The following SLC16A7 variants were observed in gnomAD, a reference collection of about 807,000 sequenced individuals.
The protein encoded by SLC16A7 is monocarboxylate transporter 2.
In SLC16A7, 33 loss-of-function variants were observed where a neutral mutation model predicts 34.9. The ratio of observed to expected loss-of-function variants is 0.94; its 90% CI spans 0.72 to 1.26. The LOEUF is 1.26. Among genes scored for constraint, SLC16A7 ranks in the 50% most tolerant of loss-of-function variants. SLC16A7 has a pLI of 0.00. For missense variants in SLC16A7, 573 were observed against 578.1 expected (o/e 0.99, Z 0.09); for synonymous variants, 201 against 206.6 (o/e 0.97, Z 0.23).
intron 2 of SLC16A7, among the ~76,000 whole-genome samples, chr12:59,675,920 T>A (rs1240853261): frequency 6.6e-6 from 1 of 152,042 alleles, no homozygotes; most frequent in Non-Finnish European, 1.5e-5. Flanking sequence ...TCCCCAGATA[T>A]ATATATATAT....
intron 2 of SLC16A7, among the ~76,000 whole-genome samples, chr12:59,687,375 C>T (rs879731757): frequency 2.0e-5 from 3 of 152,088 alleles, no homozygotes; most frequent in Admixed American, 2.0e-4. Flanking sequence ...GCAGCAACAT[C>T]TCCAAACCTC....
At chr12:59,761,026 A>C in intron 3 of SLC16A7, 1 of 422,432 alleles carries the variant, frequency 2.4e-6, no homozygotes, top group South Asian at 2.0e-5. Context: ...TATTTTTTAA[A>C]CAACTAGTCT....
At chr12:59,709,803 T>C (rs1874014280) in intron 3 of SLC16A7, among the ~76,000 whole-genome samples, 1 of 151,654 alleles carries the variant, frequency 6.6e-6, no homozygotes, top group South Asian at 2.1e-4. Context: ...GAAACTATTA[T>C]GCTCACCGTG....
At chr12:59,694,311 C>A (rs1364923706) in intron 2 of SLC16A7, among the ~76,000 whole-genome samples, 2 of 151,890 alleles carry the variant, frequency 1.3e-5, no homozygotes, top group African/African-American at 2.4e-5. Flanking sequence ...GCTTTGTAGT[C>A]AGACACACAA....
intron 5 of SLC16A7, among the ~76,000 whole-genome samples, chr12:59,777,316 A>ACTT (rs1481869584): frequency 6.6e-6 from 1 of 152,024 alleles, no homozygotes; most frequent in Non-Finnish European, 1.5e-5. Context: ...ATATTTCTTG[A>ACTT]CTTTTAGATT....
At chr12:59,707,481 A>C (rs567819418) in intron 3 of SLC16A7, among the ~76,000 whole-genome samples, 3 of 152,168 alleles carry the variant, frequency 2.0e-5, no homozygotes, top group African/African-American at 7.2e-5. Context: ...ATTTACTACA[A>C]ATAAATGTTT....
intron 3 of SLC16A7, among the ~76,000 whole-genome samples, chr12:59,764,337 T>G (rs1438943227): frequency 1.3e-5 from 2 of 152,162 alleles, no homozygotes; most frequent in African/African-American, 4.8e-5. Context: ...TTTTTGTTTT[T>G]TATTATTATT....
intron 2 of SLC16A7, among the ~76,000 whole-genome samples, chr12:59,670,026 C>G (rs1278677548): frequency 1.3e-5 from 2 of 152,174 alleles, no homozygotes; most frequent in African/African-American, 4.8e-5. Flanking sequence ...TTTATTCTCT[C>G]TCCTTTGGAA....
chr12:59,769,727 A>G (rs1882041129), intron 3 of SLC16A7, among the ~76,000 whole-genome samples: 1 of 152,122 alleles, frequency 6.6e-6, no homozygotes, highest in African/African-American at 2.4e-5. Context: ...TGCATTGATA[A>G]GTGAATCTCA....
intron 3 of SLC16A7, among the ~76,000 whole-genome samples, chr12:59,732,214 C>T (rs557636503): frequency 6.6e-6 from 1 of 151,952 alleles, no homozygotes; most frequent in African/African-American, 2.4e-5. Flanking sequence ...GGTCAGAGTT[C>T]GAGACCAGCC....
intron 2 of SLC16A7, among the ~76,000 whole-genome samples, chr12:59,702,229 T>TC (rs1872971270): frequency 6.6e-6 from 1 of 152,002 alleles, no homozygotes; most frequent in African/African-American, 2.4e-5. Flanking sequence ...TTTATTTCCT[T>TC]TTCTTTTTTC....
In SLC16A7 at chr12:59,752,863, G is replaced by A. The variant is rs368471424; in HGVS notation, c.218-18356G>A. On this transcript the variant is annotated intron_variant, in intron 3 of 5. Transcript: ENST00000547379. ...TTAAGGGCAGCCAGAGAGAAAGATC[G>A]GGTTACCCACAAAGGGAAGCCCATC... 4.6e-5 allele frequency among the ~76,000 whole-genome samples: 7 copies of A among 152,252 alleles called. No homozygotes were observed. The South Asian group carries it at 6.2e-4, about 14-fold the overall frequency.
intron 3 of SLC16A7, among the ~76,000 whole-genome samples, chr12:59,735,485 T>G (rs1877482490): frequency 6.6e-6 from 1 of 152,222 alleles, no homozygotes; most frequent in South Asian, 2.1e-4. Flanking sequence ...AGTAAGCTGC[T>G]TTACATCAGT....
In SLC16A7 at chr12:59,704,906, A is replaced by C. The variant is rs142601127; in HGVS notation, c.105A>C (p.Ala35=). ...AAFISIGFSY[A]FPKAVTVFFK... is the part of the protein sequence containing the mutation. ...TTATCTCCATTGGATTTTCCTATGC[A>C]TTCCCCAAAGCTGTCACCGTATTCT... The change falls in exon 3 of 6, where the codon GCA becomes GCC. Residue 35 remains alanine, a synonymous_variant. Transcript: ENST00000547379. 6.2e-7 allele frequency: 1 copy of C among 1,613,516 alleles called. No individual in the cohort carries two copies. Among genetic ancestry groups the C allele is most frequent in the Admixed American group, 1.7e-5 (1 of 59,980 alleles).
chr12:59,613,466 T>C (rs752890130), intron 1 of SLC16A7, among the ~76,000 whole-genome samples: 6 of 152,224 alleles, frequency 3.9e-5, no homozygotes, highest in Non-Finnish European at 8.8e-5. Context: ...TAGGTTACAA[T>C]ATATTAGTTT....
intron 3 of SLC16A7, chr12:59,720,181 C>T (rs1396778894): frequency 8.7e-5 from 58 of 666,222 alleles, no homozygotes; most frequent in Non-Finnish European, 1.6e-5. Flanking sequence ...AAATTTGTTC[C>T]AGTTTGGAAT....
chr12:59,736,030 T>C, intron 3 of SLC16A7: 2 of 540,348 alleles, frequency 3.7e-6, no homozygotes, highest in Non-Finnish European at 5.9e-6. Context: ...ATGTATGGTT[T>C]TAATAAGAAC....
intron 3 of SLC16A7, among the ~76,000 whole-genome samples, chr12:59,755,488 G>A (rs1454063466): frequency 6.6e-6 from 1 of 152,166 alleles, no homozygotes; most frequent in Non-Finnish European, 1.5e-5. Context: ...CAAATCATGA[G>A]TGAACTCCCT....
chr12:59,743,042 A>C (rs1878511550), intron 3 of SLC16A7, among the ~76,000 whole-genome samples: 1 of 152,218 alleles, frequency 6.6e-6, no homozygotes, highest in Non-Finnish European at 1.5e-5. Flanking sequence ...TTCAGAACTT[A>C]ATTATGTATA....
Sources: allele counts gnomAD v4.1 joint callset (sites outside exome capture counted in the v4.1 genomes callset), GRCh38; gene constraint gnomAD v4.1.1; transcripts MANE v1.5; gene names NCBI Gene and HGNC (gene_info 2026-07-23, HGNC 2026-07-21).